The following CACNG2 variants were observed in gnomAD, a reference collection of about 807,000 sequenced individuals.
The protein encoded by CACNG2 is voltage-dependent calcium channel gamma-2 subunit.
CACNG2 carries 3 observed loss-of-function variants against 25.9 expected under a neutral mutation model. The observed-to-expected ratio is 0.12, with a 90% CI of 0.05 to 0.30. The LOEUF is 0.30. Among genes scored for constraint, CACNG2 ranks in the 10% least tolerant of loss-of-function variants. CACNG2 has a pLI of 1.00. For synonymous variants in CACNG2, 167 were observed against 173.3 expected (o/e 0.96, Z 0.29); for missense variants, 341 against 432.5 (o/e 0.79, Z 1.88).
In CACNG2 at chr22:36,702,309, G is replaced by C. The variant is rs1199855532; in HGVS notation, c.211+57C>G. ...CTTATTTGGAGGAGGGTGGGGAGGG[G>C]GGAGTGAAAGGGGAGGGGTGGGGTG... is the stretch of plus-strand genomic sequence containing the variant. On this transcript the variant is annotated intron_variant, in intron 1 of 3. Coordinates refer to ENST00000300105, the MANE Select transcript of CACNG2 (RefSeq NM_006078.5). The C allele has an allele frequency of 5.7e-6, 6 of 1,055,272 alleles. No individual in the cohort carries two copies. The African/African-American group carries it at 9.7e-5, about 17-fold the overall frequency. 65.4% of individuals were successfully genotyped at this position (1,055,272 alleles called of 1,614,324 possible). A position where few individuals can be genotyped will look rare whatever the true frequency, so the allele number is the denominator to read the frequency against.
At chr22:36,613,114 T>C (rs1935969724) in intron 1 of CACNG2, among the ~76,000 whole-genome samples, 1 of 152,018 alleles carries the variant, frequency 6.6e-6, no homozygotes, top group Non-Finnish European at 1.5e-5. Flanking sequence ...TGTGGGAATA[T>C]AGTGCTCAAT....
At chr22:36,574,518 C>T (rs377291946) in intron 2 of CACNG2, among the ~76,000 whole-genome samples, 3 of 152,282 alleles carry the variant, frequency 2.0e-5, no homozygotes, top group East Asian at 1.9e-4. Context: ...AGGTGGCTCA[C>T]GCCTGTAATC....
chr22:36,601,198 A>G (rs1379530166), intron 1 of CACNG2, among the ~76,000 whole-genome samples: 1 of 151,502 alleles, frequency 6.6e-6, no homozygotes. Context: ...ATCTCTACAT[A>G]CTTGATATTT....
chr22:36,632,790 G>C (rs1936295942), intron 1 of CACNG2, among the ~76,000 whole-genome samples: 1 of 151,926 alleles, frequency 6.6e-6, no homozygotes, highest in African/African-American at 2.4e-5. Context: ...ACCCCTAACT[G>C]GTGGAGTGCC....
chr22:36,577,791 A>ATATC (rs1345254346), intron 2 of CACNG2, among the ~76,000 whole-genome samples: 1 of 151,872 alleles, frequency 6.6e-6, no homozygotes, highest in African/African-American at 2.4e-5. Context: ...GGCAGCTTAG[A>ATATC]TGTTTCCTAA....
At chr22:36,698,544 A>G (rs557102000) in intron 1 of CACNG2, among the ~76,000 whole-genome samples, 2 of 152,260 alleles carry the variant, frequency 1.3e-5, no homozygotes, top group East Asian at 3.9e-4. Context: ...CTCGCAGGCC[A>G]TCATGACTTG....
At chr22:36,620,990 T>A (rs1936096041) in intron 1 of CACNG2, among the ~76,000 whole-genome samples, 1 of 152,234 alleles carries the variant, frequency 6.6e-6, no homozygotes, top group African/African-American at 2.4e-5. Context: ...ATAGTCCAAG[T>A]CTGTCTGTTC....
chr22:36,690,776 T>C (rs1937259019), intron 1 of CACNG2, among the ~76,000 whole-genome samples: 3 of 152,196 alleles, frequency 2.0e-5, no homozygotes, highest in African/African-American at 7.2e-5. Flanking sequence ...ATGATGATGA[T>C]GATGATGACG....
In CACNG2 at chr22:36,615,914, G is replaced by C. The variant is rs1423324211; in HGVS notation, c.212-28366C>G. Among the ~76,000 whole-genome samples, 3 of 152,240 alleles carry C rather than the reference G, an allele frequency of 2.0e-5. No individual in the cohort carries two copies. In the East Asian group the frequency reaches 5.8e-4, roughly 29 times the overall value. On this transcript the variant is annotated intron_variant, in intron 1 of 3. Transcript: ENST00000300105. The stretch of plus-strand genomic sequence containing the variant: ...GTACTGCATGTCAAGGTATGAAAGT[G>C]TGTCTATGTTCAAACATTCTCTTAT...
Position 36,564,675 on chromosome 22 carries a change from G to T in CACNG2, c.648C>A (p.Asp216Glu), listed in dbSNP as rs1935095656. The change falls in exon 4 of 4, where the codon GAC becomes GAA. Residue 216 changes from aspartate (D) to glutamate (E), a missense_variant. Coordinates refer to ENST00000300105, the MANE Select transcript of CACNG2 (RefSeq NM_006078.5). This position sits in a 1 kb window ranked among gnomAD's most constrained non-coding sequence, Gnocchi z 6.7. The part of the protein sequence containing the change: ...KQLRATARAT[D>E]YLQASAITRI... ...GGGTGATGGCAGAGGCCTGGAGGTA[G>T]TCCGTGGCGCGGGCCGTGGCCCGCA... 6.2e-7 allele frequency: 1 copy of T among 1,614,020 alleles called. No individual in the cohort carries two copies. The highest frequency in any genetic ancestry group is 8.5e-7 in the Non-Finnish European group (1 of 1,180,024).
At chr22:36,627,604 T>C (rs1936203127) in intron 1 of CACNG2, among the ~76,000 whole-genome samples, 1 of 151,816 alleles carries the variant, frequency 6.6e-6, no homozygotes, top group Admixed American at 6.6e-5. Flanking sequence ...CAAGTTGCCA[T>C]GGAGACCACT....
chr22:36,587,182 T>C (rs1178511349), intron 2 of CACNG2, among the ~76,000 whole-genome samples: 2 of 152,108 alleles, frequency 1.3e-5, no homozygotes, highest in East Asian at 1.9e-4. Context: ...TAGGAACTCA[T>C]GCAGAAGGCA....
intron 1 of CACNG2, among the ~76,000 whole-genome samples, chr22:36,690,547 C>G (rs560435209): frequency 6.6e-6 from 1 of 152,164 alleles, no homozygotes; most frequent in Non-Finnish European, 1.5e-5. Flanking sequence ...GCCGGCACCT[C>G]GGTAAGCACT....
rs189704713 is a variant in CACNG2, at chr22:36,670,196, C to T, written c.211+32170G>A. On this transcript the variant is annotated intron_variant, in intron 1 of 3. Transcript: ENST00000300105. The stretch of plus-strand genomic sequence containing the variant: ...ACTGTGAGCAGCGTTGGATGCTGGG[C>T]TAGATGCAGATGGGCAGCTGGCTAA... Among the ~76,000 whole-genome samples, 58 of 152,246 alleles carry T rather than the reference C, an allele frequency of 3.8e-4. No individual in the cohort carries two copies. The Middle Eastern group carries it at 0.01, about 27-fold the overall frequency.
At chr22:36,582,799 A>G (rs987373932) in intron 2 of CACNG2, among the ~76,000 whole-genome samples, 2 of 151,362 alleles carry the variant, frequency 1.3e-5, no homozygotes, top group Non-Finnish European at 2.9e-5. Flanking sequence ...TCTTAGTCTA[A>G]CATGTTATAT....
chr22:36,643,462 A>ATCTGTCTG (rs1231699940), intron 1 of CACNG2, among the ~76,000 whole-genome samples: 1 of 78,216 alleles, frequency 1.3e-5, no homozygotes, highest in South Asian at 4.8e-4. Flanking sequence ...AATGATCTAC[A>ATCTGTCTG]TCTATCTGTC....
At position 36,702,732 on chromosome 22, in the gene CACNG2, TA is replaced by T. The variant is rs201168353; in HGVS notation, c.-157del. On this transcript the variant is annotated 5_prime_UTR_variant, in exon 1 of 4. Transcript: ENST00000300105. ...TATGAATAGAGAATATGGAGAGTTATAAAAAAAGGGAGGTAAGAAAGCTCAC... is the reference window on the plus strand; with the variant it reads ...TATGAATAGAGAATATGGAGAGTTATAAAAAAGGGAGGTAAGAAAGCTCAC... The T allele has an allele frequency of 3.1e-3, 1,886 of 605,446 alleles. 35 individuals are homozygous for T. In the African/African-American group the frequency reaches 0.032, roughly 10 times the overall value. The allele number at this position is 605,446 out of a possible 1,614,324, so 37.5% of individuals were successfully genotyped here.
At chr22:36,677,472 C>T (rs1420349540) in intron 1 of CACNG2, among the ~76,000 whole-genome samples, 20 of 152,124 alleles carry the variant, frequency 1.3e-4, no homozygotes, top group Non-Finnish European at 1.5e-5. Flanking sequence ...TGGGGTGGGT[C>T]AGAGAGGTCC....
chr22:36,630,659 A>G (rs1936253720), intron 1 of CACNG2, among the ~76,000 whole-genome samples: 1 of 152,154 alleles, frequency 6.6e-6, no homozygotes. Context: ...AAGCGAAGCA[A>G]CACTGTCGGG....
Sources: gnomAD v4.1 joint callset for allele counts (sites outside exome capture counted in the v4.1 genomes callset) on GRCh38, gnomAD v4.1.1 for gene constraint, Gnocchi (gnomAD v3.1) non-coding constraint, MANE v1.5 for transcripts, NCBI Gene and HGNC (gene_info 2026-07-23, HGNC 2026-07-21) for gene names.